The following UNC13D variants were observed in gnomAD, a reference collection of about 807,000 sequenced individuals.
UNC13D encodes the protein unc-13 homolog D, also known as protein unc-13 homolog D.
Under a neutral mutation model 151.7 loss-of-function variants are expected in UNC13D, and 115 were observed. The observed-to-expected ratio is 0.76, with a 90% CI of 0.65 to 0.88. The LOEUF is 0.88. Among genes scored for constraint, UNC13D ranks in the 40% least tolerant of loss-of-function variants. UNC13D has a pLI of 0.00. For missense variants in UNC13D, 1,369 were observed against 1,438.7 expected (o/e 0.95, Z 0.78); for synonymous variants, 588 against 612.2 (o/e 0.96, Z 0.58).
chr17:75,838,980 G>C (rs1443483507), intron 12 of UNC13D, among the ~76,000 whole-genome samples: 2 of 152,086 alleles, frequency 1.3e-5, no homozygotes, highest in African/African-American at 4.8e-5. Context: ...GGCGCCTGTA[G>C]TCCCAGCTAC....
intron 31 of UNC13D, among the ~76,000 whole-genome samples, 191 bp from the exon 32 acceptor site, chr17:75,828,277 A>G (rs566492717): frequency 2.8e-3 from 431 of 152,324 alleles, no homozygotes; most frequent in Non-Finnish European, 5.0e-3. Flanking sequence ...GGGTCGCGTA[A>G]CAGACAGAGT....
At chr17:75,842,122 G>C (rs1449434942) in intron 6 of UNC13D, among the ~76,000 whole-genome samples, 1 of 152,168 alleles carries the variant, frequency 6.6e-6, no homozygotes, top group East Asian at 1.9e-4. Context: ...CTCCCAAAGT[G>C]CTGGGATTAC....
At position 75,840,240 on chromosome 17, in the gene UNC13D, T is replaced by C; in HGVS notation, c.843A>G (p.Gln281=). 6.2e-7 allele frequency: 1 copy of C among 1,613,900 alleles called. No homozygotes were observed. The highest frequency in any genetic ancestry group is 8.5e-7 in the Non-Finnish European group (1 of 1,179,986). ...CCCGACCTACCCGCTTATGGATGAG[T>C]TGGAACTGGAGGTGGCACTGGCCTC... The part of the protein sequence containing the change: ...PDRGQCHLQF[Q]LIHKRRATSA... Residue 281 remains glutamine, a synonymous_variant, in exon 10 of 32, where the codon CAA becomes CAG. Coordinates refer to ENST00000207549, the MANE Select transcript of UNC13D (RefSeq NM_199242.3). This position sits in a 1 kb window ranked among gnomAD's most constrained non-coding sequence, Gnocchi z 4.6.
At chr17:75,828,321 G>C (rs1263675372) in intron 31 of UNC13D, among the ~76,000 whole-genome samples, 1 of 152,358 alleles carries the variant, frequency 6.6e-6, no homozygotes, top group Non-Finnish European at 1.5e-5. Context: ...GCAGCGAGGG[G>C]CTGAGATGTG....
At position 75,833,080 on chromosome 17, in the gene UNC13D, G is replaced by A. The variant is rs773119045; in HGVS notation, c.2368-35C>T. 5 of 1,565,922 alleles carry A rather than the reference G, an allele frequency of 3.2e-6. No individual in the cohort carries two copies. The highest frequency in any genetic ancestry group is 4.3e-6 in the Non-Finnish European group (5 of 1,152,726). On this transcript the variant is annotated intron_variant, in intron 24 of 31. Transcript: ENST00000207549. This position sits in a 1 kb window ranked among gnomAD's most constrained non-coding sequence, Gnocchi z 4.0. ...GAGATGGGGAGCAGGTGTGGCTCCGGCCCATGTTGGCCCCACCCCCATCCC... is the reference window on the plus strand; with the variant it reads ...GAGATGGGGAGCAGGTGTGGCTCCGACCCATGTTGGCCCCACCCCCATCCC...
intron 1 of UNC13D, 96 bp downstream of exon 1, chr17:75,844,125 C>G: frequency 6.5e-7 from 1 of 1,548,478 alleles, no homozygotes; most frequent in Non-Finnish European, 8.8e-7. Flanking sequence ...TCCCCAGTCC[C>G]AGCCTTCGAG....
At chr17:75,839,768 C>T in intron 12 of UNC13D, 71 bp downstream of exon 12, 1 of 1,513,062 alleles carries the variant, frequency 6.6e-7, no homozygotes, top group Non-Finnish European at 9.2e-7. Context: ...CTTTGGGCTA[C>T]CGGCTTGGAG....
In UNC13D at chr17:75,842,869, T is replaced by C; in HGVS notation, c.376A>G (p.Lys126Glu). The C allele has an allele frequency of 6.2e-7, 1 of 1,613,722 alleles. No individual in the cohort carries two copies. The highest frequency in any genetic ancestry group is 8.5e-7 in the Non-Finnish European group (1 of 1,179,998). ...TVKQAKGILGKDVSGFSDPYC... is the reference protein window; with the variant it reads ...TVKQAKGILGEDVSGFSDPYC... Reference sequence around the variant, plus strand: ...ACCCCATGCTCACCACTGACATCTTTGCCCAGAATGCCCTTGGCCTGTTTC... The same window carrying C: ...ACCCCATGCTCACCACTGACATCTTCGCCCAGAATGCCCTTGGCCTGTTTC... Residue 126 changes from lysine (K) to glutamate (E), a missense_variant, in exon 5 of 32, where the codon AAA becomes GAA. Physicochemically the swap from Lys to Glu is moderately conservative, Grantham distance 56. Transcript: ENST00000207549.
Position 75,834,678 on chromosome 17 carries a change from T to G in UNC13D, c.2031A>C (p.Ile677=). Residue 677 remains isoleucine (I), a synonymous_variant, in exon 22 of 32, where the codon ATA becomes ATC. Coordinates refer to ENST00000207549, the MANE Select transcript of UNC13D (RefSeq NM_199242.3). ...CRLALVYCSL[I]KARARELSSG... is the part of the protein sequence containing the mutation. ...AAGAGAGCTCGCGGGCCCGGGCCTTTATAAGGCTGCAGTACACCAGGGCCA... is the reference window on the plus strand; with the variant it reads ...AAGAGAGCTCGCGGGCCCGGGCCTTGATAAGGCTGCAGTACACCAGGGCCA... 2 of 1,613,686 alleles carry G rather than the reference T, an allele frequency of 1.2e-6. No homozygotes were observed. Among genetic ancestry groups the G allele is most frequent in the Non-Finnish European group, 1.7e-6 (2 of 1,179,996 alleles).
chr17:75,841,056 G>C (rs1161668368), intron 6 of UNC13D, 55 bp from the exon 7 acceptor site: 15 of 1,603,848 alleles, frequency 9.4e-6, no homozygotes, highest in Non-Finnish European at 1.2e-5. Context: ...GCCCCCAGAC[G>C]AAGCAGTAAG....
chr17:75,835,886 A>G lies in UNC13D; in HGVS notation c.1565T>C (p.Phe522Ser). The change falls in exon 18 of 32, where the codon TTC becomes TCC. Residue 522 changes from phenylalanine (F) to serine (S), a missense_variant. Around this residue, in one of 3 missense-constraint regions of UNC13D, gnomAD observed 807 missense variants for 795.5 expected, o/e 1.01. Transcript: ENST00000207549. ...CTGCAGCTCCCGGAAAGCCATGGAG[A>G]AGAGGTGGATCTTGAGGGTACTGGA... ...IFHNTLKIHL[F>S]SMAFRELQWL... The G allele has an allele frequency of 6.2e-7, 1 of 1,614,112 alleles. No individual in the cohort carries two copies. The highest frequency in any genetic ancestry group is 8.5e-7 in the Non-Finnish European group (1 of 1,180,018).
rs765185140 is a variant in UNC13D, at chr17:75,842,662, C to T, written c.389-49G>A. On this transcript the variant is annotated intron_variant, in intron 5 of 31. Coordinates refer to ENST00000207549, the MANE Select transcript of UNC13D (RefSeq NM_199242.3). ...GGCAGCCAGGGAGTCGGCTGGGTCC[C>T]TGGGAGAGGCCCTCATCACCCCCGC... 29 of 1,608,236 alleles carry T rather than the reference C, an allele frequency of 1.8e-5. No homozygotes were observed. In the South Asian group the frequency reaches 3.0e-4, roughly 16 times the overall value.
At position 75,836,634 on chromosome 17, in the gene UNC13D, C is replaced by A. The variant is rs764771345; in HGVS notation, c.1236G>T (p.Arg412Ser). ...LLTYGLSLIR[R>S]FRSVFPLSVS... ...CAGAGAGGGGGAAGACAGAGCGGAACCTCCGGATGAGGGAGAGGCCGTAGG... is the reference window on the plus strand; with the variant it reads ...CAGAGAGGGGGAAGACAGAGCGGAAACTCCGGATGAGGGAGAGGCCGTAGG... The change falls in exon 14 of 32, where the codon AGG becomes AGT. Residue 412 changes from arginine to serine, a missense_variant. Transcript: ENST00000207549. 1.9e-6 allele frequency: 3 copies of A among 1,613,806 alleles called. No homozygotes were observed. Among genetic ancestry groups the A allele is most frequent in the South Asian group, 2.2e-5 (2 of 91,086 alleles).
At position 75,843,315 on chromosome 17, in the gene UNC13D, C is replaced by G. The variant is rs547534308; in HGVS notation, c.154-49G>C. The G allele has an allele frequency of 6.9e-6, 11 of 1,598,742 alleles. No homozygotes were observed. The South Asian group carries it at 1.1e-4, about 16-fold the overall frequency. ...GGGACCCCACCAGCCACCCCTGGCA[C>G]CAACACCTCTCGCCATGGGCAGGAC... On this transcript the variant is annotated intron_variant, in intron 2 of 31. Coordinates refer to ENST00000207549, the MANE Select transcript of UNC13D (RefSeq NM_199242.3).
intron 12 of UNC13D, among the ~76,000 whole-genome samples, chr17:75,838,061 CCTG>C (rs2064920985): frequency 6.6e-6 from 1 of 152,156 alleles, no homozygotes. Flanking sequence ...GAATCACCCA[CCTG>C]CCTGAGGTCC....
Position 75,835,406 on chromosome 17 carries a change from C to G in UNC13D, c.1848+3G>C. 6.2e-7 allele frequency: 1 copy of G among 1,611,616 alleles called. No homozygotes were observed. The highest frequency in any genetic ancestry group is 8.5e-7 in the Non-Finnish European group (1 of 1,179,660). On this transcript the variant is annotated splice_donor_region_variant and intron_variant, in intron 20 of 31. Coordinates refer to ENST00000207549, the MANE Select transcript of UNC13D (RefSeq NM_199242.3). ...CCGCCCCCTGCCCTGGCCACGCCCCCACCTCATCCATCTGCACAGCGCGCT... is the reference window on the plus strand; with the variant it reads ...CCGCCCCCTGCCCTGGCCACGCCCCGACCTCATCCATCTGCACAGCGCGCT...
Position 75,827,356 on chromosome 17 carries a change from CTG to C in UNC13D, c.*607_*608del, listed in dbSNP as rs2062130704. ...AACTGTCCTTTCTGCTTCCGTCTGT[CTG>C]TGCCAGCCCTGCCGCCTGCCAGCTC... On this transcript the variant is annotated 3_prime_UTR_variant, in exon 32 of 32. Transcript: ENST00000207549. 13 of 1,206,770 alleles carry C rather than the reference CTG, an allele frequency of 1.1e-5. No homozygotes were observed. The highest frequency in any genetic ancestry group is 1.4e-5 in the Non-Finnish European group (13 of 913,368). 74.8% of individuals were successfully genotyped at this position (1,206,770 alleles called of 1,614,324 possible).
rs765305023 is a variant in UNC13D at position 75,840,181 on chromosome 17, G to A, written c.858+44C>T. On this transcript the variant is annotated intron_variant, in intron 10 of 31. Coordinates refer to ENST00000207549, the MANE Select transcript of UNC13D (RefSeq NM_199242.3). The surrounding 1 kb of genome is among the most constrained non-coding windows in gnomAD (Gnocchi z 4.6). ...AGCCAGCCCCGCAACCCAGCAGACC[G>A]CCGCAAGAGCTGGGCATGGCCACTG... The A allele has an allele frequency of 4.2e-5, 67 of 1,611,882 alleles. No homozygotes were observed. Among genetic ancestry groups the A allele is most frequent in the Admixed American group, 1.2e-4 (7 of 59,942 alleles).
intron 30 of UNC13D, among the ~76,000 whole-genome samples, 199 bp from the exon 31 acceptor site, chr17:75,829,182 C>T (rs1158267894): frequency 6.6e-6 from 1 of 152,232 alleles, no homozygotes; most frequent in African/African-American, 2.4e-5. Context: ...TCCTGTGTTC[C>T]CTGTTCACCT....
Sources: allele counts gnomAD v4.1 joint callset (sites outside exome capture counted in the v4.1 genomes callset), GRCh38; gene constraint gnomAD v4.1.1; regional missense constraint gnomAD v4.1.1; non-coding constraint Gnocchi (gnomAD v3.1); transcripts MANE v1.5; gene names NCBI Gene and HGNC (gene_info 2026-07-23, HGNC 2026-07-21).